The following IGSF10 variants were observed in gnomAD, a reference collection of about 807,000 sequenced individuals.
IGSF10 encodes calvaria mechanical force protein 608.
IGSF10 carries 126 observed loss-of-function variants against 128.2 expected under a neutral mutation model. That is an observed-to-expected ratio of 0.98 (90% CI 0.85 to 1.14). The LOEUF (loss-of-function observed/expected upper bound fraction) is 1.14, where lower values mean the gene tolerates loss of function less well. IGSF10 is among the 50% of genes most tolerant of loss of function. IGSF10 has a pLI of 0.00. For missense variants in IGSF10, 3,295 were observed against 3,149.8 expected (o/e 1.05, Z -1.10); for synonymous variants, 1,185 against 1,146.2 (o/e 1.03, Z -0.68).
At chr3:151,514,073 T>TCC in the IGSF10 span, among the ~76,000 whole-genome samples, 1 of 152,028 alleles carries the variant, frequency 6.6e-6, no homozygotes, top group East Asian at 1.9e-4. Flanking sequence ...TTCAATGCCA[T>TCC]CCCCATCAAG....
Position 151,457,117 on chromosome 3 carries a change from G to GA in IGSF10, c.232dup (p.Ser78PhefsTer21). ...GAGTAACTCCAGTTTGGTCAGGCCA[G>GA]AAAAATCTGTTTCCATCAATCTAAC... On this transcript the variant is annotated frameshift_variant, in exon 4 of 8. Transcript: ENST00000282466. LOFTEE classifies it high-confidence loss of function. The GA allele has an allele frequency of 6.2e-7, 1 of 1,614,148 alleles. No individual in the cohort carries two copies. The highest frequency in any genetic ancestry group is 1.3e-5 in the African/African-American group (1 of 75,050).
At chr3:151,543,413 T>A in the IGSF10 span, among the ~76,000 whole-genome samples, 1 of 152,198 alleles carries the variant, frequency 6.6e-6, no homozygotes, top group South Asian at 2.1e-4. Context: ...CCCCCACACC[T>A]GCAGCTGCAC....
the IGSF10 span, among the ~76,000 whole-genome samples, chr3:151,511,789 A>AC: frequency 2.9e-3 from 436 of 152,344 alleles, 1 homozygote; most frequent in Non-Finnish European, 4.9e-3. Flanking sequence ...CAAATGGAAA[A>AC]CAAAAAAAAG....
the IGSF10 span, among the ~76,000 whole-genome samples, chr3:151,513,200 G>C: frequency 6.6e-6 from 1 of 152,040 alleles, no homozygotes; most frequent in Non-Finnish European, 1.5e-5. Flanking sequence ...GATGAACACT[G>C]ATGTAAAAAT....
the IGSF10 span, among the ~76,000 whole-genome samples, chr3:151,589,986 A>G: frequency 6.6e-6 from 1 of 152,068 alleles, no homozygotes; most frequent in Non-Finnish European, 1.5e-5. Context: ...ATAAAAAATT[A>G]TTGGAAACTG....
the IGSF10 span, among the ~76,000 whole-genome samples, chr3:151,513,829 A>T: frequency 6.6e-6 from 1 of 152,216 alleles, no homozygotes; most frequent in Admixed American, 6.5e-5. Context: ...CACCAATAAC[A>T]GACAAACAGA....
In IGSF10 at chr3:151,437,789, GT is replaced by G. The variant is rs754584576; in HGVS notation, c.6771del (p.Lys2257AsnfsTer47). 23 of 1,613,666 alleles carry G rather than the reference GT, an allele frequency of 1.4e-5. No individual in the cohort carries two copies. Among genetic ancestry groups the G allele is most frequent in the Non-Finnish European group, 1.9e-5 (22 of 1,179,952 alleles). On this transcript the variant is annotated frameshift_variant, in exon 8 of 8. Coordinates refer to ENST00000282466, the MANE Select transcript of IGSF10 (RefSeq NM_178822.5). LOFTEE classifies it low-confidence loss of function (END_TRUNC). Reference protein sequence around the residue: ...IKATAVRHSKKHFDCRAEGTP... With the variant: ...IKATAVRHSKXHFDCRAEGTP... ...GTCCCTTCAGCTCTGCAGTCAAAGT[GT>G]TTTTTGGAATGTCTCACAGCTGTGG...
chr3:151,514,884 CCAT>C, the IGSF10 span, among the ~76,000 whole-genome samples: 1 of 152,122 alleles, frequency 6.6e-6, no homozygotes, highest in African/African-American at 2.4e-5. Flanking sequence ...TCATCATTGG[CCAT>C]CAGAGAAATG....
the IGSF10 span, among the ~76,000 whole-genome samples, chr3:151,488,838 G>T: frequency 1.3e-5 from 2 of 152,142 alleles, no homozygotes; most frequent in Non-Finnish European, 2.9e-5. Context: ...ATGTATTAAA[G>T]ACTTAAATGT....
chr3:151,514,713 A>G, the IGSF10 span, among the ~76,000 whole-genome samples: 1 of 152,192 alleles, frequency 6.6e-6, no homozygotes, highest in South Asian at 2.1e-4. Context: ...TTTGCAACCT[A>G]CTCATCTGAC....
the IGSF10 span, among the ~76,000 whole-genome samples, chr3:151,598,552 T>A: frequency 6.6e-6 from 1 of 152,210 alleles, no homozygotes; most frequent in African/African-American, 2.4e-5. Context: ...CATTTGCATA[T>A]AATCTATGTA....
chr3:151,484,540 T>A, the IGSF10 span, among the ~76,000 whole-genome samples: 4 of 152,018 alleles, frequency 2.6e-5, no homozygotes, highest in African/African-American at 4.8e-5. Flanking sequence ...AGACACCTCA[T>A]ACAGGAGAGC....
At chr3:151,543,348 C>G in the IGSF10 span, among the ~76,000 whole-genome samples, 1 of 152,176 alleles carries the variant, frequency 6.6e-6, no homozygotes, top group Admixed American at 6.5e-5. Flanking sequence ...CATTAGCTCT[C>G]TTACACTGTC....
At chr3:151,528,545 C>T in the IGSF10 span, among the ~76,000 whole-genome samples, 23 of 152,284 alleles carry the variant, frequency 1.5e-4, no homozygotes, top group African/African-American at 5.5e-4. Flanking sequence ...GGGTGCAGCC[C>T]ATGGAGGGCA....
chr3:151,529,219 G>A, the IGSF10 span, among the ~76,000 whole-genome samples: 1 of 152,208 alleles, frequency 6.6e-6, no homozygotes, highest in East Asian at 1.9e-4. Flanking sequence ...GGGACTTGTA[G>A]ATAAAACTCC....
the IGSF10 span, among the ~76,000 whole-genome samples, chr3:151,466,664 C>T: frequency 3.9e-5 from 6 of 152,226 alleles, no homozygotes; most frequent in Admixed American, 2.0e-4. Context: ...TTGCAGCCTC[C>T]ACCTCCTGGG....
the IGSF10 span, among the ~76,000 whole-genome samples, chr3:151,480,060 C>T: frequency 6.6e-6 from 1 of 152,052 alleles, no homozygotes; most frequent in Non-Finnish European, 1.5e-5. Flanking sequence ...CCTGCATTTA[C>T]TGCTTTGATT....
At chr3:151,444,500 G>T (rs1721069345) in intron 6 of IGSF10, among the ~76,000 whole-genome samples, 1 of 152,022 alleles carries the variant, frequency 6.6e-6, no homozygotes, top group Non-Finnish European at 1.5e-5. Flanking sequence ...AGTAGAGTAG[G>T]GGTTTCACCA....
rs1721620120 is a variant in IGSF10 at position 151,453,545 on chromosome 3, G to A, written c.554C>T (p.Ser185Phe). Residue 185 changes from serine to phenylalanine, a missense_variant, in exon 5 of 8, where the codon TCT becomes TTT. Physicochemically the swap from Ser to Phe is radical, Grantham distance 155 (BLOSUM62 -2). Coordinates refer to ENST00000282466, the MANE Select transcript of IGSF10 (RefSeq NM_178822.5). ...AGACAAGTATAGGAACTTAATGAAAGAGATTTTAAATATCTGGAGGTAGCT... is the reference window on the plus strand; with the variant it reads ...AGACAAGTATAGGAACTTAATGAAAAAGATTTTAAATATCTGGAGGTAGCT... ...SLSYLQIFKI[S>F]FIKFLYLSDN... The A allele has an allele frequency of 6.2e-7, 1 of 1,613,954 alleles. No individual in the cohort carries two copies. The highest frequency in any genetic ancestry group is 1.3e-5 in the African/African-American group (1 of 74,904).
Sources: gnomAD v4.1 joint callset for allele counts (sites outside exome capture counted in the v4.1 genomes callset) on GRCh38, gnomAD v4.1.1 for gene constraint, MANE v1.5 for transcripts, NCBI Gene and HGNC (gene_info 2026-07-23, HGNC 2026-07-21) for gene names.